The following TTC29 variants were observed in gnomAD, a reference collection of about 807,000 sequenced individuals.
The protein encoded by TTC29 is tetratricopeptide repeat protein 29.
Under a neutral mutation model 58.1 loss-of-function variants are expected in TTC29, and 49 were observed. The observed-to-expected ratio is 0.84, with a 90% CI of 0.67 to 1.07. The LOEUF (loss-of-function observed/expected upper bound fraction) is 1.07, where lower values mean the gene tolerates loss of function less well. Ranked by LOEUF, TTC29 falls within the 50% of genes least tolerant of loss-of-function variation. TTC29 has a pLI of 0.00. For synonymous variants in TTC29, 209 were observed against 196.8 expected (o/e 1.06, Z -0.52); for missense variants, 582 against 555.6 (o/e 1.05, Z -0.48).
chr4:146,872,765 A>G (rs559231801), intron 7 of TTC29, among the ~76,000 whole-genome samples: 2 of 152,238 alleles, frequency 1.3e-5, no homozygotes, highest in African/African-American at 4.8e-5. Context: ...GGCTAAACTT[A>G]AACCCTCACA....
chr4:146,899,958 C>T (rs1733030818), intron 6 of TTC29, among the ~76,000 whole-genome samples: 1 of 152,208 alleles, frequency 6.6e-6, no homozygotes, highest in African/African-American at 2.4e-5. Context: ...GCAAGGCCTC[C>T]ATTCGCTTGT....
At chr4:146,846,956 C>T (rs1729212263) in intron 8 of TTC29, among the ~76,000 whole-genome samples, 1 of 152,126 alleles carries the variant, frequency 6.6e-6, no homozygotes, top group Admixed American at 6.6e-5. Flanking sequence ...TCGGTAAACC[C>T]TAATTTAGAT....
At chr4:146,878,748 C>T (rs996494408) in intron 6 of TTC29, among the ~76,000 whole-genome samples, 3 of 152,154 alleles carry the variant, frequency 2.0e-5, no homozygotes, top group African/African-American at 7.2e-5. Flanking sequence ...TGACTTTGCT[C>T]AGGCCATCAT....
chr4:146,722,405 C>G (rs1229497442), intron 11 of TTC29, among the ~76,000 whole-genome samples: 2 of 152,120 alleles, frequency 1.3e-5, no homozygotes, highest in Non-Finnish European at 2.9e-5. Context: ...CCACACTACA[C>G]TACCCAACTT....
chr4:146,880,857 C>A (rs543541220), intron 6 of TTC29, among the ~76,000 whole-genome samples: 2 of 152,004 alleles, frequency 1.3e-5, no homozygotes, highest in South Asian at 2.1e-4. Context: ...CTGATGCTTG[C>A]GCCCGTAAGC....
intron 4 of TTC29, among the ~76,000 whole-genome samples, chr4:146,914,380 G>A (rs1488863789): frequency 6.6e-6 from 1 of 152,012 alleles, no homozygotes; most frequent in Non-Finnish European, 1.5e-5. Flanking sequence ...TTTAGGCTTT[G>A]GTTTCATTTA....
In TTC29 at chr4:146,909,077, G is replaced by A. The variant is rs1418011310; in HGVS notation, c.349C>T (p.Leu117=). 1.2e-6 allele frequency: 2 copies of A among 1,613,784 alleles called. No individual in the cohort carries two copies. Among genetic ancestry groups the A allele is most frequent in the African/African-American group, 1.3e-5 (1 of 74,906 alleles). Residue 117 remains leucine, a synonymous_variant, in exon 5 of 13, where the codon CTG becomes TTG. Transcript: ENST00000325106. ...GTCAGGTAATGGTACAGGTAATCCA[G>A]TTTATCAGGCTGCTCCTCCAGGGGC... The part of the protein sequence containing the change: ...QKPLEEQPDK[L]DYLYHYLTRA...
chr4:146,717,616 T>C (rs1001323671), intron 11 of TTC29, among the ~76,000 whole-genome samples: 1 of 152,076 alleles, frequency 6.6e-6, no homozygotes, highest in Non-Finnish European at 1.5e-5. Flanking sequence ...AATTGTACAT[T>C]GACAAATTAT....
At chr4:146,717,917 C>A (rs1262207472) in intron 11 of TTC29, among the ~76,000 whole-genome samples, 1 of 152,080 alleles carries the variant, frequency 6.6e-6, no homozygotes, top group East Asian at 1.9e-4. Context: ...CCACTGATAA[C>A]CATCCTTCTG....
At chr4:146,870,795 A>C (rs1164426798) in intron 7 of TTC29, among the ~76,000 whole-genome samples, 1 of 152,030 alleles carries the variant, frequency 6.6e-6, no homozygotes, top group Non-Finnish European at 1.5e-5. Flanking sequence ...GCTCAAGAAG[A>C]AATAAAAACT....
Position 146,746,249 on chromosome 4 carries a change from G to A in TTC29, c.1331-38698C>T, listed in dbSNP as rs1372719884. Among the ~76,000 whole-genome samples, 4 of 152,330 alleles carry A rather than the reference G, an allele frequency of 2.6e-5. No individual in the cohort carries two copies. The East Asian group carries it at 7.7e-4, about 29-fold the overall frequency. On this transcript the variant is annotated intron_variant, in intron 11 of 12. Transcript: ENST00000325106. ...ATATCAAAGGGCATGGTTACATGAA[G>A]TGAGCAACAAGTCAGCACTTGCTTC...
chr4:146,802,653 A>G (rs1052035028), intron 11 of TTC29, among the ~76,000 whole-genome samples: 4 of 152,254 alleles, frequency 2.6e-5, no homozygotes, highest in African/African-American at 9.6e-5. Flanking sequence ...GAAAACAAAG[A>G]GTTCAAATCA....
chr4:146,859,150 C>A (rs1013167903), intron 8 of TTC29, among the ~76,000 whole-genome samples: 4 of 152,060 alleles, frequency 2.6e-5, no homozygotes, highest in African/African-American at 9.7e-5. Flanking sequence ...CATGAAGAAG[C>A]CATTGCTCTT....
At chr4:146,893,475 C>T (rs1045890636) in intron 6 of TTC29, among the ~76,000 whole-genome samples, 6 of 152,146 alleles carry the variant, frequency 3.9e-5, no homozygotes, top group Admixed American at 1.3e-4. Flanking sequence ...ATTGGCTAGC[C>T]GTATATATCA....
intron 11 of TTC29, among the ~76,000 whole-genome samples, chr4:146,762,094 C>T (rs559577348): frequency 3.3e-5 from 5 of 151,668 alleles, no homozygotes; most frequent in South Asian, 2.1e-4. Flanking sequence ...CCTTTCATTT[C>T]GTCTCTTATT....
At chr4:146,866,922 G>C (rs1730598974) in intron 8 of TTC29, among the ~76,000 whole-genome samples, 1 of 152,106 alleles carries the variant, frequency 6.6e-6, no homozygotes, top group Admixed American at 6.6e-5. Flanking sequence ...GATCGCTCTT[G>C]ACATTTTTAT....
chr4:146,740,124 C>T (rs920803760), intron 11 of TTC29, among the ~76,000 whole-genome samples: 2 of 152,144 alleles, frequency 1.3e-5, no homozygotes, highest in Admixed American at 6.5e-5. Flanking sequence ...GGGGACCTCT[C>T]TAGCCTATTA....
intron 11 of TTC29, among the ~76,000 whole-genome samples, chr4:146,734,033 A>C (rs1316725872): frequency 6.6e-6 from 1 of 152,196 alleles, no homozygotes; most frequent in Non-Finnish European, 1.5e-5. Flanking sequence ...TAAAGAAGAA[A>C]TGTTAGACAA....
At chr4:146,871,590 G>A (rs1197316538) in intron 7 of TTC29, among the ~76,000 whole-genome samples, 1 of 151,762 alleles carries the variant, frequency 6.6e-6, no homozygotes, top group Non-Finnish European at 1.5e-5. Context: ...ATATAGAAAA[G>A]TCAGTTTTAT....
Sources: gnomAD v4.1 joint callset for allele counts (sites outside exome capture counted in the v4.1 genomes callset) on GRCh38, gnomAD v4.1.1 for gene constraint, MANE v1.5 for transcripts, NCBI Gene and HGNC (gene_info 2026-07-23, HGNC 2026-07-21) for gene names.